VLDLR: variants seen among roughly 807,000 people sequenced by gnomAD.
VLDLR encodes very low-density lipoprotein receptor.
In VLDLR, 81 loss-of-function variants were observed where a neutral mutation model predicts 112.7. The observed-to-expected ratio is 0.72, with a 90% confidence interval of 0.60 to 0.86. The LOEUF is 0.86. Ranked by LOEUF, VLDLR falls within the 40% of genes least tolerant of loss-of-function variation. The pLI, the probability that VLDLR is intolerant of heterozygous loss-of-function variation, is 0.00. For missense variants in VLDLR, 1,237 were observed against 1,099.4 expected (o/e 1.13, Z -1.77); for synonymous variants, 436 against 384.8 (o/e 1.13, Z -1.56).
chr9:2,654,193 A>G lies in VLDLR; in HGVS notation c.*325A>G. Reference sequence around the variant, plus strand: ...TGAAACTTGTGCTATAGTGTATACCACCTGTACATACATTGTATAGGCCAT... The same window carrying G: ...TGAAACTTGTGCTATAGTGTATACCGCCTGTACATACATTGTATAGGCCAT... On this transcript the variant is annotated 3_prime_UTR_variant, in exon 19 of 19. Transcript: ENST00000382100. The G allele has an allele frequency of 2.4e-5, 9 of 369,440 alleles. No homozygotes were observed. Among genetic ancestry groups the G allele is most frequent in the South Asian group, 2.3e-4 (9 of 39,576 alleles). 22.9% of individuals were successfully genotyped at this position (369,440 alleles called of 1,614,324 possible).
chr9:2,643,728 C>T lies in VLDLR; in HGVS notation c.921C>T (p.Ser307=), dbSNP rs777240049. The change falls in exon 6 of 19, where the codon TCC becomes TCT. Residue 307 remains serine (S), a synonymous_variant. Coordinates refer to ENST00000382100, the MANE Select transcript of VLDLR (RefSeq NM_003383.5). The stretch of plus-strand genomic sequence containing the variant: ...GTATCCGAGACTGTGTCGATGGTTC[C>T]GATGAAGTCAACTGCAAAAATGGTA... The part of the protein sequence containing the change: ...CNGIRDCVDG[S]DEVNCKNVNQ... 66 of 1,614,000 alleles carry T rather than the reference C, an allele frequency of 4.1e-5. No individual in the cohort carries two copies. Among genetic ancestry groups the T allele is most frequent in the South Asian group, 2.5e-4 (23 of 91,080 alleles).
chr9:2,651,778 A>T lies in VLDLR; in HGVS notation c.2336-96A>T, dbSNP rs554146139. The T allele has an allele frequency of 1.7e-5, 23 of 1,330,576 alleles. No individual in the cohort carries two copies. In the South Asian group the frequency reaches 2.6e-4, roughly 15 times the overall value. The allele number at this position is 1,330,576 out of a possible 1,614,324, so 82.4% of individuals were successfully genotyped here. ...CAATTGTTGTAGATACTGAACATCA[A>T]TATTGGATGCAAAGGTTTTGGCTCC... On this transcript the variant is annotated intron_variant, in intron 16 of 18. Coordinates refer to ENST00000382100, the MANE Select transcript of VLDLR (RefSeq NM_003383.5).
rs1336176181 is a variant in VLDLR, at chr9:2,654,000, C to T, written c.*132C>T. On this transcript the variant is annotated 3_prime_UTR_variant, in exon 19 of 19. Transcript: ENST00000382100. Reference sequence around the variant, plus strand: ...AACATCAAGATACCTTTGCGTGGATCAAGCTTGTGTACTTGACCGTTTTTA... The same window carrying T: ...AACATCAAGATACCTTTGCGTGGATTAAGCTTGTGTACTTGACCGTTTTTA... The T allele has an allele frequency of 4.4e-6, 4 of 910,968 alleles. No individual in the cohort carries two copies. The highest frequency in any genetic ancestry group is 1.6e-5 in the African/African-American group (1 of 61,130). 56.4% of individuals were successfully genotyped at this position (910,968 alleles called of 1,614,324 possible).
In VLDLR at chr9:2,639,953, T is replaced by C; in HGVS notation, c.297T>C (p.Asp99=). The change falls in exon 3 of 19, where the codon GAT becomes GAC. Residue 99 remains aspartate (D), a synonymous_variant. Coordinates refer to ENST00000382100, the MANE Select transcript of VLDLR (RefSeq NM_003383.5). ...WKCDGDPDCE[D]GSDESPEQCH... ...GTGATGGAGATCCTGACTGCGAAGA[T>C]GGTTCAGATGAAAGCCCAGAACAGT... 1 of 1,614,228 alleles carries C rather than the reference T, an allele frequency of 6.2e-7. No individual in the cohort carries two copies. Among genetic ancestry groups the C allele is most frequent in the Non-Finnish European group, 8.5e-7 (1 of 1,180,042 alleles).
intron 1 of VLDLR, 82 bp downstream of exon 1, chr9:2,622,353 C>T (rs1586627388): frequency 3.2e-6 from 4 of 1,254,330 alleles, no homozygotes; most frequent in East Asian, 3.2e-5. Context: ...TCTCCGTTTG[C>T]CCACCCGCCT....
rs560928512 is a variant in VLDLR at position 2,643,161 on chromosome 9, C to A, written c.450C>A (p.Gly150=). Residue 150 remains glycine (G), a splice_region_variant and synonymous_variant, in exon 5 of 19, where the codon GGC becomes GGA. Coordinates refer to ENST00000382100, the MANE Select transcript of VLDLR (RefSeq NM_003383.5). ...GTGGGGCATCCTCTCTCTTAATAGG[C>A]AATATAACATGTAGTCCCGACGAGT... ...CDSGEDEENC[G]NITCSPDEFT... 1 of 1,610,268 alleles carries A rather than the reference C, an allele frequency of 6.2e-7. No individual in the cohort carries two copies. Among genetic ancestry groups the A allele is most frequent in the African/African-American group, 1.3e-5 (1 of 75,026 alleles).
At chr9:2,624,604 G>C (rs1817003464) in intron 1 of VLDLR, among the ~76,000 whole-genome samples, 1 of 152,218 alleles carries the variant, frequency 6.6e-6, no homozygotes, top group Admixed American at 6.5e-5. Context: ...TTTTTTGAGA[G>C]CTATTCATAT....
intron 1 of VLDLR, among the ~76,000 whole-genome samples, chr9:2,629,397 A>G (rs1203166002): frequency 6.6e-6 from 1 of 152,268 alleles, no homozygotes; most frequent in African/African-American, 2.4e-5. Flanking sequence ...GCAGGCCTCC[A>G]TCTCAACAAC....
At position 2,646,446 on chromosome 9, in the gene VLDLR, G is replaced by A; in HGVS notation, c.1597G>A (p.Ala533Thr). Residue 533 changes from alanine (A) to threonine (T), a missense_variant, in exon 11 of 19, where the codon GCT becomes ACT. Physicochemically the swap from Ala to Thr is moderately conservative, Grantham distance 58 (BLOSUM62 0). Transcript: ENST00000382100. ...CAAGACCATCTACTGGACTGATGCG[G>A]CTTCTAAGACTATTTCAGTAGCTAC... ...VYKTIYWTDA[A>T]SKTISVATLD... 1.9e-6 allele frequency: 3 copies of A among 1,614,146 alleles called. No homozygotes were observed. The highest frequency in any genetic ancestry group is 2.2e-5 in the East Asian group (1 of 44,886).
At chr9:2,642,965 C>T (rs1201433979) in intron 4 of VLDLR, among the ~76,000 whole-genome samples, 195 bp from the exon 5 acceptor site, 1 of 152,094 alleles carries the variant, frequency 6.6e-6, no homozygotes, top group African/African-American at 2.4e-5. Context: ...TTCTGTTCTT[C>T]TTATTTATTG....
At position 2,653,826 on chromosome 9, in the gene VLDLR, T is replaced by G; in HGVS notation, c.2587-7T>G. On this transcript the variant is annotated splice_region_variant and splice_polypyrimidine_tract_variant and intron_variant, in intron 18 of 18. Transcript: ENST00000382100. Reference sequence around the variant, plus strand: ...CAAGCTCATTCTATACTTCTTCTTTTCCACAGATATCAGTTGTAAGCACAG... The same window carrying G: ...CAAGCTCATTCTATACTTCTTCTTTGCCACAGATATCAGTTGTAAGCACAG... The G allele has an allele frequency of 6.8e-6, 11 of 1,613,934 alleles. No individual in the cohort carries two copies. Among genetic ancestry groups the G allele is most frequent in the Non-Finnish European group, 9.3e-6 (11 of 1,179,836 alleles).
chr9:2,630,979 T>G (rs1817326320), intron 1 of VLDLR, among the ~76,000 whole-genome samples: 1 of 151,714 alleles, frequency 6.6e-6, no homozygotes, highest in Non-Finnish European at 1.5e-5. Flanking sequence ...GGGGAAAAAA[T>G]AATCCCATTA....
chr9:2,650,516 A>T lies in VLDLR; in HGVS notation c.2251A>T (p.Ser751Cys), dbSNP rs1818277717. 6.2e-7 allele frequency: 1 copy of T among 1,613,358 alleles called. No individual in the cohort carries two copies. Reference sequence around the variant, plus strand: ...AGAGGAAAATGGCCGAGACTGTCAAAGTAAGGCATTTTGTGTTTCAACCAC... The same window carrying T: ...AGAGGAAAATGGCCGAGACTGTCAATGTAAGGCATTTTGTGTTTCAACCAC... ...NVEENGRDCQ[S>C]TATTVTYSET... Residue 751 changes from serine (S) to cysteine (C), a missense_variant and splice_region_variant, in exon 15 of 19, where the codon AGT becomes TGT. Ser to Cys is a moderately radical substitution (Grantham distance 112). Transcript: ENST00000382100.
In VLDLR at chr9:2,643,687, AG is replaced by A; in HGVS notation, c.881del (p.Ser294ThrfsTer39). 6.2e-7 allele frequency: 1 copy of A among 1,614,220 alleles called. No homozygotes were observed. Among genetic ancestry groups the A allele is most frequent in the Non-Finnish European group, 8.5e-7 (1 of 1,180,038 alleles). ...ECEDGSCIHG[S>X]RQCNGIRDCV... ...TGAGGATGGCAGCTGCATCCATGGCAGCAGGCAGTGTAATGGTATCCGAGAC... is the reference window on the plus strand; with the variant it reads ...TGAGGATGGCAGCTGCATCCATGGCACAGGCAGTGTAATGGTATCCGAGAC... On this transcript the variant is annotated frameshift_variant, in exon 6 of 19. Transcript: ENST00000382100. LOFTEE classifies it high-confidence loss of function.
rs1011817773 is a variant in VLDLR at position 2,621,805 on chromosome 9, C to T, written c.-385C>T. The T allele has an allele frequency of 2.0e-6, 1 of 490,926 alleles. No homozygotes were observed. Among genetic ancestry groups the T allele is most frequent in the Non-Finnish European group, 3.9e-6 (1 of 256,558 alleles). 30.4% of individuals were successfully genotyped at this position (490,926 alleles called of 1,614,324 possible). On this transcript the variant is annotated 5_prime_UTR_variant, in exon 1 of 19. Coordinates refer to ENST00000382100, the MANE Select transcript of VLDLR (RefSeq NM_003383.5). ...GCTGCTCACCCCGCTCTCCGGCCGC[C>T]GCCGGTGCGGGTGCTCCGCTACCGG...
chr9:2,654,076 G>C lies in VLDLR; in HGVS notation c.*208G>C, dbSNP rs1224718066. ...CACATTCTACTTCAGCTTTGGATGTGGTTACCGAGTATCTGTAACCCTTGA... is the reference window on the plus strand; with the variant it reads ...CACATTCTACTTCAGCTTTGGATGTCGTTACCGAGTATCTGTAACCCTTGA... On this transcript the variant is annotated 3_prime_UTR_variant, in exon 19 of 19. Coordinates refer to ENST00000382100, the MANE Select transcript of VLDLR (RefSeq NM_003383.5). 3.5e-6 allele frequency: 2 copies of C among 568,908 alleles called. No homozygotes were observed. Among genetic ancestry groups the C allele is most frequent in the African/African-American group, 3.8e-5 (2 of 52,942 alleles). 35.2% of individuals were successfully genotyped at this position (568,908 alleles called of 1,614,324 possible).
rs942453570 is a variant in VLDLR, at chr9:2,656,527, C to G, written c.*2659C>G. ...ATAATAGTGCATGAATGATAACAGG[C>G]CTCGGCTTTATCACCCAAAAAATAA... On this transcript the variant is annotated 3_prime_UTR_variant, in exon 19 of 19. Transcript: ENST00000382100. 6.6e-6 allele frequency: 1 copy of G among 152,144 alleles called. No homozygotes were observed. The highest frequency in any genetic ancestry group is 1.9e-4 in the East Asian group (1 of 5,196). The allele number at this position is 152,144 out of a possible 1,614,324, so 9.4% of individuals were successfully genotyped here.
chr9:2,651,888 A>C lies in VLDLR; in HGVS notation c.2350A>C (p.Thr784Pro). The change falls in exon 17 of 19, where the codon ACA (threonine) becomes CCA (proline). Residue 784 changes from threonine (T) to proline (P), a missense_variant. Coordinates refer to ENST00000382100, the MANE Select transcript of VLDLR (RefSeq NM_003383.5). ...TTCCTCTGTAGGGATCAATGTGACC[A>C]CAGCAGTATCAGAGGTCAGTGTTCC... ...GLVPGGINVT[T>P]AVSEVSVPPK... is the part of the protein sequence containing the mutation. 1 of 1,614,104 alleles carries C rather than the reference A, an allele frequency of 6.2e-7. No homozygotes were observed. The highest frequency in any genetic ancestry group is 1.1e-5 in the South Asian group (1 of 91,080).
chr9:2,648,128 T>G (rs1586656059), intron 12 of VLDLR, 80 bp from the exon 13 acceptor site: 1 of 1,580,120 alleles, frequency 6.3e-7, no homozygotes, highest in East Asian at 2.2e-5. Flanking sequence ...TGAAAGTAGA[T>G]TATTAATTCA....
Sources: allele counts gnomAD v4.1 joint callset (sites outside exome capture counted in the v4.1 genomes callset), GRCh38; gene constraint gnomAD v4.1.1; transcripts MANE v1.5; gene names NCBI Gene and HGNC (gene_info 2026-07-23, HGNC 2026-07-21).